The following ASZ1 variants were observed in gnomAD, a reference collection of about 807,000 sequenced individuals.
ASZ1 encodes the protein ankyrin repeat, SAM and basic leucine zipper domain-containing protein 1.
A neutral mutation model predicts 61.8 loss-of-function variants in ASZ1; 67 were observed. That is an observed-to-expected ratio of 1.08 (90% CI 0.89 to 1.33). The LOEUF (loss-of-function observed/expected upper bound fraction) is 1.33. Ranked by LOEUF, ASZ1 falls within the 40% of genes most tolerant of loss-of-function variation. The pLI is 0.00. For synonymous variants in ASZ1, 193 were observed against 192.7 expected, an observed-to-expected ratio of 1.00 and a Z score of -0.01; for missense variants, 577 against 554.5, an observed-to-expected ratio of 1.04 and a Z score of -0.41.
chr7:117,420,718 C>G (rs1269274632), intron 3 of ASZ1, among the ~76,000 whole-genome samples: 1 of 152,240 alleles, frequency 6.6e-6, no homozygotes, highest in African/African-American at 2.4e-5. Context: ...ATGACTGCCA[C>G]ATCCATTGGT....
chr7:117,384,342 A>G (rs1796308424), intron 6 of ASZ1, among the ~76,000 whole-genome samples: 1 of 152,132 alleles, frequency 6.6e-6, no homozygotes, highest in Admixed American at 6.6e-5. Flanking sequence ...TTAATACATT[A>G]ATTAAACTTA....
At chr7:117,365,564 T>C (rs186626293) in intron 12 of ASZ1, among the ~76,000 whole-genome samples, 59 of 152,348 alleles carry the variant, frequency 3.9e-4, no homozygotes, top group African/African-American at 1.4e-3. Flanking sequence ...AAATAGCTTT[T>C]AGGAAATTTC....
chr7:117,412,039 AGTGTGTGTGTGTGTGTGT>A (rs57672347), intron 4 of ASZ1, among the ~76,000 whole-genome samples: 4 of 128,370 alleles, frequency 3.1e-5, no homozygotes, highest in Admixed American at 7.9e-5. Context: ...AGTGAAAAGA[AGTGTGTGTGTGTGTGTGT>A]GTGTGTGTGT....
At chr7:117,387,129 G>A (rs1489057374) in intron 4 of ASZ1, among the ~76,000 whole-genome samples, 4 of 142,078 alleles carry the variant, frequency 2.8e-5, no homozygotes. Flanking sequence ...GGAAAGCCCT[G>A]CCTCTACCTC....
chr7:117,367,313 C>T (rs1283207237), intron 12 of ASZ1, 39 bp downstream of exon 12: 1 of 1,370,000 alleles, frequency 7.3e-7, no homozygotes, highest in South Asian at 1.9e-5. Context: ...TAAATCATTT[C>T]CCTTCATTTT....
chr7:117,405,192 T>A (rs556933885), intron 4 of ASZ1, among the ~76,000 whole-genome samples: 13 of 152,240 alleles, frequency 8.5e-5, no homozygotes, highest in African/African-American at 3.1e-4. Flanking sequence ...TGTCCCAGGA[T>A]GATTTATTCC....
intron 6 of ASZ1, among the ~76,000 whole-genome samples, chr7:117,384,254 G>T (rs563252752): frequency 6.6e-6 from 1 of 151,964 alleles, no homozygotes. Context: ...ATACATCCAG[G>T]TATATTATCA....
At position 117,427,485 on chromosome 7, in the gene ASZ1, G is replaced by T. The variant is rs1312022388; in HGVS notation, c.-25C>A. 2 of 1,611,374 alleles carry T rather than the reference G, an allele frequency of 1.2e-6. No homozygotes were observed. Among genetic ancestry groups the T allele is most frequent in the South Asian group, 2.2e-5 (2 of 90,972 alleles). On this transcript the variant is annotated 5_prime_UTR_variant, in exon 1 of 13. Coordinates refer to ENST00000284629, the MANE Select transcript of ASZ1 (RefSeq NM_130768.3). ...TGCCAGCCAAGGAAGCTCCCTGTCG[G>T]CACCGCGCGCCCTTCAGCTCTCCGG...
At chr7:117,400,829 T>C (rs1211518284) in intron 4 of ASZ1, among the ~76,000 whole-genome samples, 4 of 152,154 alleles carry the variant, frequency 2.6e-5, no homozygotes, top group African/African-American at 9.7e-5. Flanking sequence ...CAAGTTTGAA[T>C]TGAGACTGTG....
intron 11 of ASZ1, chr7:117,367,717 T>G (rs1795970060): frequency 1.0e-6 from 1 of 960,658 alleles, no homozygotes; most frequent in Non-Finnish European, 1.3e-6. Context: ...TAATAACATT[T>G]ATGATGAACA....
intron 2 of ASZ1, among the ~76,000 whole-genome samples, chr7:117,424,951 C>A (rs1039158094): frequency 2.6e-5 from 4 of 152,124 alleles, no homozygotes; most frequent in African/African-American, 9.7e-5. Context: ...TGCCAACAAC[C>A]CTTTGATATA....
intron 4 of ASZ1, among the ~76,000 whole-genome samples, chr7:117,416,856 A>T (rs1245286776): frequency 6.6e-6 from 1 of 152,242 alleles, no homozygotes; most frequent in Non-Finnish European, 1.5e-5. Context: ...GAGGAAATTC[A>T]ACAGTTTCTT....
In ASZ1 at chr7:117,422,476, TG is replaced by T. The variant is rs1797118308; in HGVS notation, c.206-118del. 3.3e-6 allele frequency: 4 copies of T among 1,208,500 alleles called. No individual in the cohort carries two copies. In the South Asian group the frequency reaches 7.8e-5, roughly 24 times the overall value. The allele number at this position is 1,208,500 out of a possible 1,614,324, so 74.9% of individuals were successfully genotyped here. On this transcript the variant is annotated intron_variant, in intron 2 of 12. Coordinates refer to ENST00000284629, the MANE Select transcript of ASZ1 (RefSeq NM_130768.3). ...GTACATCATGTACTTTATTCCACCA[TG>T]GGAAGTTTTTAATGGCTTCCAAAAA...
intron 12 of ASZ1, 46 bp from the exon 13 acceptor site, chr7:117,363,794 C>A: frequency 7.3e-7 from 1 of 1,377,622 alleles, no homozygotes; most frequent in Non-Finnish European, 9.7e-7. Flanking sequence ...CTGTACAATA[C>A]ATTAATAAAA....
chr7:117,363,450 TA>T lies in ASZ1; in HGVS notation c.*145del, dbSNP rs1254404753. The stretch of plus-strand genomic sequence containing the variant: ...TAAGTCAAAGTAACAAACCACTTTT[TA>T]AAAAAAAACTCCACATTGTCAAAAT... On this transcript the variant is annotated 3_prime_UTR_variant, in exon 13 of 13. Transcript: ENST00000284629. 1.0e-4 allele frequency: 61 copies of T among 582,044 alleles called. No homozygotes were observed. Among genetic ancestry groups the T allele is most frequent in the South Asian group, 2.0e-4 (3 of 14,952 alleles). 36.1% of individuals were successfully genotyped at this position (582,044 alleles called of 1,614,324 possible).
intron 4 of ASZ1, among the ~76,000 whole-genome samples, chr7:117,399,648 C>T (rs986234386): frequency 1.2e-4 from 18 of 150,480 alleles, no homozygotes; most frequent in African/African-American, 3.9e-4. Flanking sequence ...CCAGAACAGG[C>T]GAACCTATAG....
intron 4 of ASZ1, among the ~76,000 whole-genome samples, chr7:117,407,177 CAGAA>C (rs981086851): frequency 3.3e-5 from 5 of 151,936 alleles, no homozygotes; most frequent in Non-Finnish European, 5.9e-5. Context: ...TAAAAGCACA[CAGAA>C]AGGCTGAAAG....
intron 4 of ASZ1, among the ~76,000 whole-genome samples, chr7:117,395,464 T>G (rs1247226749): frequency 2.0e-5 from 3 of 152,122 alleles, no homozygotes; most frequent in Non-Finnish European, 2.9e-5. Flanking sequence ...AAAAATGTCT[T>G]TTTAAATACT....
At chr7:117,393,315 A>G (rs1157437784) in intron 4 of ASZ1, among the ~76,000 whole-genome samples, 3 of 152,114 alleles carry the variant, frequency 2.0e-5, no homozygotes, top group Admixed American at 6.6e-5. Flanking sequence ...TTTTTTGTCT[A>G]ATCTGTTTTT....
Sources: allele counts gnomAD v4.1 joint callset (sites outside exome capture counted in the v4.1 genomes callset), GRCh38; gene constraint gnomAD v4.1.1; transcripts MANE v1.5; gene names NCBI Gene and HGNC (gene_info 2026-07-23, HGNC 2026-07-21).